Variants in SIPA1L1 observed in about 807,000 individuals in gnomAD.
SIPA1L1 encodes signal-induced proliferation-associated 1-like protein 1.
SIPA1L1 carries 26 observed loss-of-function variants against 162.7 expected under a neutral mutation model. That is an observed-to-expected ratio of 0.16 (90% CI 0.12 to 0.22). SIPA1L1 has a LOEUF of 0.22. SIPA1L1 is among the 10% of genes least tolerant of loss of function. The pLI, the probability that SIPA1L1 is intolerant of heterozygous loss-of-function variation, is 1.00. For missense variants in SIPA1L1, 1,874 were observed against 2,241.0 expected (o/e 0.84, Z 3.31); for synonymous variants, 829 against 837.4 (o/e 0.99, Z 0.17).
At position 71,435,124 on chromosome 14, in the gene SIPA1L1, A is replaced by G. The variant is rs148772373; in HGVS notation, c.-464-77619A>G. Among the ~76,000 whole-genome samples, 438 of 152,276 alleles carry G rather than the reference A, an allele frequency of 2.9e-3. 4 individuals are homozygous for G. In the Middle Eastern group the frequency reaches 0.048, roughly 17 times the overall value. On this transcript the variant is annotated intron_variant, in intron 2 of 23. Transcript: ENST00000381232. ...TCTTTATTGCTAAACTGCCCTGCTT[A>G]AACATTGTATACATTTACACTCCTC...
At position 71,647,984 on chromosome 14, in the gene SIPA1L1, G is replaced by A. The variant is rs142838690; in HGVS notation, c.1819-2351G>A. 5.1e-3 allele frequency among the ~76,000 whole-genome samples: 782 copies of A among 152,178 alleles called. 3 individuals carry two copies. Among genetic ancestry groups the A allele is most frequent in the Non-Finnish European group, 9.0e-3 (615 of 67,986 alleles). On this transcript the variant is annotated intron_variant, in intron 7 of 23. Transcript: ENST00000381232. ...AATCAAGGTAGCAGTAGGTCAGATT[G>A]TATGCTGTTTTAAAAATATTCCAGG...
At chr14:71,660,393 A>G (rs1043032893) in intron 9 of SIPA1L1, among the ~76,000 whole-genome samples, 3 of 151,996 alleles carry the variant, frequency 2.0e-5, no homozygotes, top group African/African-American at 7.2e-5. Flanking sequence ...CTAACTCCCA[A>G]TTTGCAACCC....
At chr14:71,615,468 A>AGT (rs1319069432) in intron 5 of SIPA1L1, among the ~76,000 whole-genome samples, 14 of 152,232 alleles carry the variant, frequency 9.2e-5, no homozygotes, top group Non-Finnish European at 7.3e-5. Context: ...TACTACAAAC[A>AGT]CTCAGGCAAG....
chr14:71,428,392 G>T (rs545075864), intron 2 of SIPA1L1, among the ~76,000 whole-genome samples: 1 of 151,496 alleles, frequency 6.6e-6, no homozygotes, highest in African/African-American at 2.4e-5. Flanking sequence ...TTTTTTACTG[G>T]TTTTATTTTT....
At chr14:71,524,641 G>T (rs1223194156) in intron 3 of SIPA1L1, among the ~76,000 whole-genome samples, 2 of 152,120 alleles carry the variant, frequency 1.3e-5, no homozygotes, top group Non-Finnish European at 2.9e-5. Flanking sequence ...TAGAGATGAG[G>T]TCTCACTATG....
intron 2 of SIPA1L1, among the ~76,000 whole-genome samples, chr14:71,420,181 A>G (rs2043082759): frequency 6.6e-6 from 1 of 152,214 alleles, no homozygotes; most frequent in South Asian, 2.1e-4. Context: ...AGTATTAGCC[A>G]GGATAGAAAT....
intron 2 of SIPA1L1, among the ~76,000 whole-genome samples, chr14:71,447,387 A>G (rs989206384): frequency 2.0e-5 from 3 of 152,138 alleles, no homozygotes; most frequent in Non-Finnish European, 4.4e-5. Flanking sequence ...GCTATGGTGT[A>G]CTTGGGTTTC....
chr14:71,532,823 T>G (rs1401280029), intron 4 of SIPA1L1, among the ~76,000 whole-genome samples: 3 of 152,238 alleles, frequency 2.0e-5, no homozygotes, highest in Non-Finnish European at 4.4e-5. Flanking sequence ...GGGTCAGTTT[T>G]AGGAGATTCC....
At chr14:71,695,577 C>G (rs1250411011) in intron 13 of SIPA1L1, among the ~76,000 whole-genome samples, 1 of 152,194 alleles carries the variant, frequency 6.6e-6, no homozygotes, top group Non-Finnish European at 1.5e-5. Flanking sequence ...TTGTAACTTC[C>G]TCATAGAAGC....
chr14:71,467,599 T>C (rs2047101891), intron 2 of SIPA1L1, among the ~76,000 whole-genome samples: 1 of 152,170 alleles, frequency 6.6e-6, no homozygotes, highest in African/African-American at 2.4e-5. Context: ...ATGTGATTGG[T>C]GCCACAGCTT....
intron 7 of SIPA1L1, among the ~76,000 whole-genome samples, chr14:71,639,802 G>C (rs1321542716): frequency 2.1e-4 from 32 of 152,216 alleles, no homozygotes; most frequent in Admixed American, 1.8e-3. Context: ...TTTGGCATAG[G>C]TGTAAAAGTA....
Position 71,589,318 on chromosome 14 carries a change from G to C in SIPA1L1, c.1446G>C (p.Val482=). Residue 482 remains valine, a synonymous_variant, in exon 5 of 24, where the codon GTG becomes GTC. Transcript: ENST00000381232. ...LHLDRVKRYI[V]EHVDLGAYYY... ...TAGATAGAGTGAAAAGATACATCGT[G>C]GAACACGTAGATCTGGGTGCATACT... 1 of 1,613,824 alleles carries C rather than the reference G, an allele frequency of 6.2e-7. No homozygotes were observed. The highest frequency in any genetic ancestry group is 8.5e-7 in the Non-Finnish European group (1 of 1,179,830).
chr14:71,607,904 G>A (rs1401178381), intron 5 of SIPA1L1, among the ~76,000 whole-genome samples: 1 of 152,106 alleles, frequency 6.6e-6, no homozygotes, highest in East Asian at 1.9e-4. Flanking sequence ...GGGCCTTTTA[G>A]ATCTGTTCTT....
intron 5 of SIPA1L1, among the ~76,000 whole-genome samples, chr14:71,614,285 T>G (rs980659008): frequency 3.3e-5 from 5 of 152,098 alleles, no homozygotes; most frequent in Admixed American, 6.5e-5. Context: ...AATGCTCCTG[T>G]ACCAGAGGGT....
chr14:71,671,895 TTTAC>T (rs1257169534), intron 11 of SIPA1L1, among the ~76,000 whole-genome samples: 2 of 135,294 alleles, frequency 1.5e-5, no homozygotes, highest in Non-Finnish European at 3.1e-5. Flanking sequence ...GGAAGACACA[TTTAC>T]TCTGTGTGTG....
intron 4 of SIPA1L1, among the ~76,000 whole-genome samples, chr14:71,546,452 G>T (rs2055211507): frequency 1.5e-5 from 2 of 137,316 alleles, no homozygotes; most frequent in South Asian, 4.6e-4. Context: ...CACAATCTCA[G>T]CTCACTGCAA....
intron 2 of SIPA1L1, among the ~76,000 whole-genome samples, chr14:71,395,533 C>G (rs997853180): frequency 6.6e-5 from 10 of 152,144 alleles, no homozygotes; most frequent in African/African-American, 2.4e-4. Context: ...CGCAGTAGGA[C>G]TTGCCTGTAG....
intron 2 of SIPA1L1, among the ~76,000 whole-genome samples, chr14:71,441,457 T>C (rs1196127021): frequency 6.6e-6 from 1 of 152,202 alleles, no homozygotes; most frequent in Non-Finnish European, 1.5e-5. Context: ...CCATCTAGAT[T>C]ATTTATAAAA....
At position 71,521,236 on chromosome 14, in the gene SIPA1L1, C is replaced by T. The variant is rs148243638; in HGVS notation, c.-361-8076C>T. ...GACAGATTAACAAGAGAGAAGCATACGAATTTATTAATATAAGTTTTACGT... is the reference window on the plus strand; with the variant it reads ...GACAGATTAACAAGAGAGAAGCATATGAATTTATTAATATAAGTTTTACGT... On this transcript the variant is annotated intron_variant, in intron 3 of 23. Transcript: ENST00000381232. Among the ~76,000 whole-genome samples the T allele has an allele frequency of 3.9e-4, 59 of 152,180 alleles. No homozygotes were observed. The East Asian group carries it at 9.3e-3, about 24-fold the overall frequency.
Sources: gnomAD v4.1 joint callset for allele counts (sites outside exome capture counted in the v4.1 genomes callset) on GRCh38, gnomAD v4.1.1 for gene constraint, MANE v1.5 for transcripts, NCBI Gene and HGNC (gene_info 2026-07-23, HGNC 2026-07-21) for gene names.